Variants in NXPE2 observed in about 807,000 individuals in gnomAD.
The protein encoded by NXPE2 is neurexophilin and PC-esterase domain family member 2, also known as NXPE family member 2.
In NXPE2, 34 loss-of-function variants were observed where a neutral mutation model predicts 34.4. The ratio of observed to expected loss-of-function variants is 0.99; its 90% CI spans 0.75 to 1.31. The LOEUF is 1.31. Ranked by LOEUF, NXPE2 falls within the 40% of genes most tolerant of loss-of-function variation. The pLI is 0.00. For synonymous variants in NXPE2, 235 were observed against 231.3 expected, an observed-to-expected ratio of 1.02 and a Z score of -0.15; for missense variants, 649 against 672.5, an observed-to-expected ratio of 0.97 and a Z score of 0.39.
At chr11:114,730,038 C>A in the NXPE2 span, among the ~76,000 whole-genome samples, 1 of 152,096 alleles carries the variant, frequency 6.6e-6, no homozygotes, top group South Asian at 2.1e-4. Flanking sequence ...AGTTTGAGGT[C>A]TTACATTTAA....
At chr11:114,768,385 G>A in the NXPE2 span, among the ~76,000 whole-genome samples, 4 of 152,092 alleles carry the variant, frequency 2.6e-5, no homozygotes, top group Admixed American at 2.6e-4. Flanking sequence ...GATTGTCTTG[G>A]CTATACAGCT....
the NXPE2 span, among the ~76,000 whole-genome samples, chr11:114,514,739 A>G: frequency 6.0e-4 from 92 of 152,258 alleles, no homozygotes; most frequent in African/African-American, 2.2e-3. Context: ...TACATAAAAT[A>G]CTTCATCTTT....
chr11:114,640,092 T>C, the NXPE2 span, among the ~76,000 whole-genome samples: 4 of 93,022 alleles, frequency 4.3e-5, no homozygotes, highest in Admixed American at 3.8e-4. Context: ...TAATGTAATA[T>C]AATATATGAT....
At chr11:114,563,137 G>A in the NXPE2 span, among the ~76,000 whole-genome samples, 7 of 152,106 alleles carry the variant, frequency 4.6e-5, no homozygotes, top group Non-Finnish European at 1.0e-4. Context: ...AAGTGGGGAA[G>A]GTACAGTTCT....
chr11:114,583,721 A>C, the NXPE2 span: 1 of 549,114 alleles, frequency 1.8e-6, no homozygotes, highest in Non-Finnish European at 3.6e-6. Context: ...TAATGATACA[A>C]TCTGGGCCAC....
the NXPE2 span, among the ~76,000 whole-genome samples, chr11:114,799,813 G>A: frequency 6.6e-6 from 1 of 152,120 alleles, no homozygotes; most frequent in African/African-American, 2.4e-5. Context: ...CAAGCCTAGA[G>A]AGTTCATCTC....
At chr11:114,513,655 C>T in the NXPE2 span, among the ~76,000 whole-genome samples, 18 of 152,046 alleles carry the variant, frequency 1.2e-4, no homozygotes, top group South Asian at 2.1e-4. Context: ...GTACTTTAAC[C>T]GCTTATTCCA....
the NXPE2 span, among the ~76,000 whole-genome samples, chr11:114,737,892 G>A: frequency 1.3e-5 from 2 of 152,014 alleles, no homozygotes; most frequent in African/African-American, 2.4e-5. Flanking sequence ...ATACCACCCT[G>A]GGCAACATGG....
the NXPE2 span, among the ~76,000 whole-genome samples, chr11:114,493,641 C>A: frequency 2.0e-5 from 3 of 151,966 alleles, no homozygotes; most frequent in African/African-American, 7.3e-5. Context: ...TGCTTTTTAA[C>A]TTTTTGTTTT....
the NXPE2 span, among the ~76,000 whole-genome samples, chr11:114,752,027 C>T: frequency 2.0e-5 from 3 of 152,234 alleles, no homozygotes; most frequent in East Asian, 5.8e-4. Context: ...GACCTCTAGA[C>T]TTCTGGCCTA....
intron 3 of NXPE2, among the ~76,000 whole-genome samples, chr11:114,703,191 A>G (rs1000270512): frequency 2.0e-5 from 3 of 152,218 alleles, no homozygotes; most frequent in Non-Finnish European, 4.4e-5. Flanking sequence ...CTGGCAATGT[A>G]GACACTCATA....
At chr11:114,605,684 A>G in the NXPE2 span, among the ~76,000 whole-genome samples, 14 of 151,916 alleles carry the variant, frequency 9.2e-5, 1 homozygote, top group Middle Eastern at 6.8e-3. Flanking sequence ...ATGTGTAACC[A>G]TTGTTACCCT....
intron 2 of NXPE2, among the ~76,000 whole-genome samples, chr11:114,690,693 C>T (rs772921671): frequency 6.6e-6 from 1 of 152,126 alleles, no homozygotes; most frequent in Non-Finnish European, 1.5e-5. Flanking sequence ...TTCCAAGTTG[C>T]TTACTCTCCC....
chr11:114,506,362 C>T, the NXPE2 span, among the ~76,000 whole-genome samples: 1 of 152,128 alleles, frequency 6.6e-6, no homozygotes, highest in East Asian at 1.9e-4. Context: ...GAACTGAACT[C>T]AGCACTGGAT....
At chr11:114,581,765 A>G in the NXPE2 span, 6 of 1,611,104 alleles carry the variant, frequency 3.7e-6, no homozygotes, top group Non-Finnish European at 5.1e-6. Flanking sequence ...ATTTTTCCAT[A>G]ATCTCTACAC....
the NXPE2 span, among the ~76,000 whole-genome samples, chr11:114,599,235 A>T: frequency 6.6e-6 from 1 of 152,080 alleles, no homozygotes; most frequent in Non-Finnish European, 1.5e-5. Context: ...TCTTCACTAA[A>T]CCATAACAAA....
the NXPE2 span, among the ~76,000 whole-genome samples, chr11:114,796,152 T>C: frequency 2.0e-5 from 3 of 152,162 alleles, no homozygotes; most frequent in Non-Finnish European, 4.4e-5. Flanking sequence ...AGGAAGCAAA[T>C]AAAAATAACA....
chr11:114,688,513 C>T (rs1346230192), intron 2 of NXPE2, among the ~76,000 whole-genome samples: 2 of 151,994 alleles, frequency 1.3e-5, no homozygotes, highest in African/African-American at 4.8e-5. Context: ...AGTTTTGCAT[C>T]TATATTCATC....
the NXPE2 span, among the ~76,000 whole-genome samples, chr11:114,714,392 A>C: frequency 6.6e-6 from 1 of 152,206 alleles, no homozygotes; most frequent in Non-Finnish European, 1.5e-5. Context: ...CAATTATATA[A>C]AAGTCTTTGA....
Sources: gnomAD v4.1 joint callset for allele counts (sites outside exome capture counted in the v4.1 genomes callset) on GRCh38, gnomAD v4.1.1 for gene constraint, MANE v1.5 for transcripts, NCBI Gene and HGNC (gene_info 2026-07-23, HGNC 2026-07-21) for gene names.